The following COL8A1 variants were observed in gnomAD, a reference collection of about 807,000 sequenced individuals.
COL8A1 encodes the protein collagen type VIII alpha 1 chain, also known as collagen alpha-1(VIII) chain.
In COL8A1, 21 loss-of-function variants were observed where a neutral mutation model predicts 42.7. The observed-to-expected ratio is 0.49, with a 90% CI of 0.35 to 0.71. The LOEUF is 0.71. Ranked by LOEUF, COL8A1 falls within the 30% of genes least tolerant of loss-of-function variation. The pLI is 0.01. For missense variants in COL8A1, 788 were observed against 962.4 expected (o/e 0.82, Z 2.40); for synonymous variants, 367 against 369.1 (o/e 0.99, Z 0.06).
chr3:99,663,574 C>T (rs1238762963), intron 1 of COL8A1, among the ~76,000 whole-genome samples: 1 of 152,096 alleles, frequency 6.6e-6, no homozygotes, highest in African/African-American at 2.4e-5. Flanking sequence ...AATTCCAATG[C>T]AAGCTGATGT....
chr3:99,777,079 G>A (rs144051270), intron 2 of COL8A1, among the ~76,000 whole-genome samples: 24 of 152,164 alleles, frequency 1.6e-4, no homozygotes, highest in East Asian at 3.9e-4. Flanking sequence ...ATCTTGTGCC[G>A]GTCTCCTATC....
intron 1 of COL8A1, among the ~76,000 whole-genome samples, chr3:99,673,489 A>G (rs1938605218): frequency 6.6e-6 from 1 of 152,116 alleles, no homozygotes; most frequent in Non-Finnish European, 1.5e-5. Context: ...TTTATATATT[A>G]AAACAGTTTC....
At position 99,795,399 on chromosome 3, in the gene COL8A1, C is replaced by T. The variant is rs1384947528; in HGVS notation, c.1498C>T (p.Pro500Ser). ...DQGLQGPPGIPGIGGPSGPIG... is the reference protein window; with the variant it reads ...DQGLQGPPGISGIGGPSGPIG... The stretch of plus-strand genomic sequence containing the variant: ...GGGTTTACAGGGCCCCCCAGGTATC[C>T]CAGGGATTGGGGGCCCTAGTGGCCC... Residue 500 changes from proline (P) to serine (S), a missense_variant, in exon 4 of 4, where the codon CCA (proline) becomes TCA (serine). Around this residue, in one of 4 missense-constraint regions of COL8A1, gnomAD observed 154 missense variants for 182.3 expected, o/e 0.84. Transcript: ENST00000652472. 1.3e-6 allele frequency: 2 copies of T among 1,554,738 alleles called. No homozygotes were observed. The highest frequency in any genetic ancestry group is 2.4e-5 in the East Asian group (1 of 41,588).
intron 2 of COL8A1, among the ~76,000 whole-genome samples, chr3:99,776,552 A>G (rs1353570782): frequency 6.6e-6 from 1 of 152,182 alleles, no homozygotes; most frequent in Non-Finnish European, 1.5e-5. Flanking sequence ...TCACTTTGTA[A>G]GCAAAAAAAA....
intron 1 of COL8A1, among the ~76,000 whole-genome samples, chr3:99,686,704 T>A (rs1033289119): frequency 6.6e-6 from 1 of 152,212 alleles, no homozygotes; most frequent in Non-Finnish European, 1.5e-5. Flanking sequence ...TTTTCTTTTT[T>A]AAGACAGGGC....
chr3:99,698,440 T>C (rs1939441868), intron 1 of COL8A1, among the ~76,000 whole-genome samples: 1 of 152,238 alleles, frequency 6.6e-6, no homozygotes, highest in Non-Finnish European at 1.5e-5. Context: ...GCACTAGTGC[T>C]ACCTGGCCAG....
At chr3:99,674,617 C>T (rs1244085305) in intron 1 of COL8A1, among the ~76,000 whole-genome samples, 1 of 151,978 alleles carries the variant, frequency 6.6e-6, no homozygotes, top group Non-Finnish European at 1.5e-5. Flanking sequence ...ACATACCTCA[C>T]CACCTGGAAA....
At chr3:99,647,390 A>T (rs533221442) in intron 1 of COL8A1, among the ~76,000 whole-genome samples, 1 of 152,220 alleles carries the variant, frequency 6.6e-6, no homozygotes, top group Non-Finnish European at 1.5e-5. Context: ...GGGAAACAGG[A>T]ACAAAAGAAG....
intron 1 of COL8A1, among the ~76,000 whole-genome samples, chr3:99,729,686 T>A (rs1454287917): frequency 1.3e-5 from 2 of 151,984 alleles, no homozygotes; most frequent in South Asian, 2.1e-4. Context: ...TCTACAACCT[T>A]TAGTTTTTGT....
intron 1 of COL8A1, among the ~76,000 whole-genome samples, chr3:99,664,897 G>A (rs1429191286): frequency 1.3e-5 from 2 of 152,216 alleles, no homozygotes; most frequent in African/African-American, 2.4e-5. Context: ...TGAAGGGGAG[G>A]AGTGCGCCTC....
intron 1 of COL8A1, among the ~76,000 whole-genome samples, chr3:99,649,919 A>T (rs1012798579): frequency 6.6e-6 from 1 of 152,166 alleles, no homozygotes; most frequent in Non-Finnish European, 1.5e-5. Context: ...ATACCAGGTT[A>T]CACAAAGAAA....
At chr3:99,755,325 T>C (rs1246076112) in intron 2 of COL8A1, among the ~76,000 whole-genome samples, 1 of 152,202 alleles carries the variant, frequency 6.6e-6, no homozygotes, top group East Asian at 1.9e-4. Flanking sequence ...AAGTTCTTTA[T>C]ACAAATATAG....
At chr3:99,768,969 G>A (rs1941524289) in intron 2 of COL8A1, among the ~76,000 whole-genome samples, 1 of 152,118 alleles carries the variant, frequency 6.6e-6, no homozygotes, top group Non-Finnish European at 1.5e-5. Flanking sequence ...TTCAGAAGAG[G>A]GTTTTGTTAA....
At chr3:99,787,562 C>A (rs957373489) in intron 2 of COL8A1, among the ~76,000 whole-genome samples, 3 of 152,076 alleles carry the variant, frequency 2.0e-5, no homozygotes, top group African/African-American at 7.2e-5. Flanking sequence ...TCTGAATAGT[C>A]CTTTTTGGCT....
intron 2 of COL8A1, among the ~76,000 whole-genome samples, chr3:99,767,722 C>T (rs1346705677): frequency 3.3e-5 from 5 of 152,166 alleles, no homozygotes; most frequent in South Asian, 2.1e-4. Context: ...ACATATAAGG[C>T]ATCCTGCCAC....
At chr3:99,732,758 C>T (rs1021040282) in intron 1 of COL8A1, among the ~76,000 whole-genome samples, 52 of 152,130 alleles carry the variant, frequency 3.4e-4, no homozygotes, top group African/African-American at 1.2e-3. Context: ...AGTCTTAACT[C>T]ATTCCAGCAG....
intron 1 of COL8A1, among the ~76,000 whole-genome samples, chr3:99,668,997 C>T (rs910231081): frequency 6.6e-6 from 1 of 151,584 alleles, no homozygotes; most frequent in South Asian, 2.1e-4. Flanking sequence ...GGATCCTCTG[C>T]TTCAGGGTCC....
chr3:99,669,138 T>C (rs867100633), intron 1 of COL8A1, among the ~76,000 whole-genome samples: 1 of 104,572 alleles, frequency 9.6e-6, no homozygotes, highest in Non-Finnish European at 2.1e-5. Flanking sequence ...TATATATATA[T>C]ATATATATAG....
intron 1 of COL8A1, chr3:99,680,145 C>A (rs1488096100): frequency 1.3e-5 from 2 of 151,942 alleles, no homozygotes; most frequent in Admixed American, 6.6e-5. Flanking sequence ...TCCCTCCCAC[C>A]TCCCCCAACC....
Sources: allele counts gnomAD v4.1 joint callset (sites outside exome capture counted in the v4.1 genomes callset), GRCh38; gene constraint gnomAD v4.1.1; regional missense constraint gnomAD v4.1.1; transcripts MANE v1.5; gene names NCBI Gene and HGNC (gene_info 2026-07-23, HGNC 2026-07-21).